The following PRDM2 variants were observed in gnomAD, a reference collection of about 807,000 sequenced individuals.
PRDM2 encodes the protein PR/SET domain 2, also known as PR domain zinc finger protein 2.
In PRDM2, 30 loss-of-function variants were observed where a neutral mutation model predicts 130.0. That is an observed-to-expected ratio of 0.23 (90% CI 0.17 to 0.31). The LOEUF (loss-of-function observed/expected upper bound fraction) is 0.31, where lower values mean the gene tolerates loss of function less well. PRDM2 is among the 10% of genes least tolerant of loss of function. PRDM2 has a pLI of 1.00. For missense variants in PRDM2, 2,011 were observed against 2,108.4 expected, an observed-to-expected ratio of 0.95 and a Z score of 0.90; for synonymous variants, 871 against 782.4, an observed-to-expected ratio of 1.11 and a Z score of -1.89.
intron 4 of PRDM2, among the ~76,000 whole-genome samples, chr1:13,737,919 C>T (rs965464843): frequency 6.6e-6 from 1 of 152,050 alleles, no homozygotes; most frequent in Non-Finnish European, 1.5e-5. Flanking sequence ...ACTGGTAATA[C>T]CTCATGGAAA....
chr1:13,816,322 C>A, intron 8 of PRDM2, 105 bp from the exon 9 acceptor site: 1 of 1,432,200 alleles, frequency 7.0e-7, no homozygotes, highest in Non-Finnish European at 9.5e-7. Flanking sequence ...CAATCCTATC[C>A]TGGCCTGGGA....
intron 8 of PRDM2, among the ~76,000 whole-genome samples, chr1:13,801,120 A>G (rs1224311176): frequency 6.6e-6 from 1 of 152,128 alleles, no homozygotes. Context: ...CGTGGTGGGG[A>G]GGGCACTGCA....
intron 1 of PRDM2, among the ~76,000 whole-genome samples, chr1:13,714,800 G>A (rs544748946): frequency 2.6e-4 from 39 of 152,280 alleles, no homozygotes; most frequent in Middle Eastern, 3.4e-3. Flanking sequence ...CCTTACAGTG[G>A]AAGTTCTACT....
chr1:13,818,816 G>C (rs1036454567), intron 9 of PRDM2, among the ~76,000 whole-genome samples: 2 of 152,092 alleles, frequency 1.3e-5, no homozygotes, highest in Admixed American at 6.6e-5. Flanking sequence ...AATTGAACCT[G>C]TCTCTCTGGG....
intron 6 of PRDM2, 115 bp downstream of exon 6, chr1:13,749,602 C>A: frequency 1.7e-6 from 1 of 588,998 alleles, no homozygotes; most frequent in Non-Finnish European, 2.1e-6. Context: ...GCTCGGGCGG[C>A]GGCGCCCGCG....
chr1:13,813,872 G>A (rs1049496257), intron 8 of PRDM2, among the ~76,000 whole-genome samples: 3 of 152,200 alleles, frequency 2.0e-5, no homozygotes, highest in Non-Finnish European at 4.4e-5. Flanking sequence ...TAAAGGGAGC[G>A]GAGACACACT....
chr1:13,814,778 A>T (rs1288860345), intron 8 of PRDM2, among the ~76,000 whole-genome samples: 1 of 152,176 alleles, frequency 6.6e-6, no homozygotes, highest in African/African-American at 2.4e-5. Flanking sequence ...CCGCAGGCAG[A>T]GCTGGCTCTG....
At chr1:13,763,561 T>G (rs1420252431) in intron 6 of PRDM2, among the ~76,000 whole-genome samples, 1 of 152,238 alleles carries the variant, frequency 6.6e-6, no homozygotes, top group Non-Finnish European at 1.5e-5. Flanking sequence ...ACTTGAGCAG[T>G]ACTTTTTGCC....
At chr1:13,762,637 G>T (rs1309563858) in intron 6 of PRDM2, among the ~76,000 whole-genome samples, 1 of 152,172 alleles carries the variant, frequency 6.6e-6, no homozygotes, top group East Asian at 1.9e-4. Context: ...GCAAAAAATA[G>T]AAAAGCCTCA....
chr1:13,745,228 G>C (rs1643566364), intron 5 of PRDM2, among the ~76,000 whole-genome samples: 1 of 152,098 alleles, frequency 6.6e-6, no homozygotes, highest in African/African-American at 2.4e-5. Flanking sequence ...GTTAAGACAG[G>C]GAAATGTGAT....
chr1:13,808,650 C>T (rs1356422984), intron 8 of PRDM2, among the ~76,000 whole-genome samples: 1 of 152,120 alleles, frequency 6.6e-6, no homozygotes, highest in Non-Finnish European at 1.5e-5. Context: ...AACAGCTGTG[C>T]AGTGGGAATA....
At chr1:13,768,582 CCAT>C (rs775619113) in intron 6 of PRDM2, among the ~76,000 whole-genome samples, 71 of 152,032 alleles carry the variant, frequency 4.7e-4, no homozygotes, top group Non-Finnish European at 7.8e-4. Flanking sequence ...GTTTCACCCA[CCAT>C]GTTGGCCAGG....
At position 13,749,321 on chromosome 1, in the gene PRDM2, G is replaced by A. The variant is rs201907593; in HGVS notation, c.385-40G>A. 7.2e-6 allele frequency: 10 copies of A among 1,395,812 alleles called. No individual in the cohort carries two copies. The East Asian group carries it at 3.4e-4, about 48-fold the overall frequency. The allele number at this position is 1,395,812 out of a possible 1,614,324, so 86.5% of individuals were successfully genotyped here. A position where few individuals can be genotyped will look rare whatever the true frequency, so the allele number is the denominator to read the frequency against. On this transcript the variant is annotated intron_variant, in intron 5 of 9. Coordinates refer to ENST00000311066, the MANE Select transcript of PRDM2 (RefSeq NM_001393986.1). ...CGCCCCGCCCCCGCCAACAACCGCCGCTCTGATTGGCCCGGCGCTTGTCTC... is the reference window on the plus strand; with the variant it reads ...CGCCCCGCCCCCGCCAACAACCGCCACTCTGATTGGCCCGGCGCTTGTCTC...
At chr1:13,769,685 G>T (rs1644314430) in intron 6 of PRDM2, among the ~76,000 whole-genome samples, 1 of 152,176 alleles carries the variant, frequency 6.6e-6, no homozygotes, top group Admixed American at 6.5e-5. Flanking sequence ...TCATTTCCTT[G>T]ATAAACTAAG....
chr1:13,800,499 G>A (rs185581792), intron 8 of PRDM2, among the ~76,000 whole-genome samples: 1 of 152,298 alleles, frequency 6.6e-6, no homozygotes, highest in East Asian at 1.9e-4. Context: ...GGTGAGGATG[G>A]GGAGATGTGG....
chr1:13,786,970 C>CAT, intron 8 of PRDM2: 1 of 988,970 alleles, frequency 1.0e-6, no homozygotes. Context: ...GTTTTGGTCA[C>CAT]ATATCAGCTC....
intron 4 of PRDM2, 150 bp from the exon 5 acceptor site, chr1:13,741,855 T>C: frequency 4.6e-6 from 3 of 650,182 alleles, no homozygotes; most frequent in Non-Finnish European, 7.8e-6. Context: ...GTATTTTTCT[T>C]TTCTCTGTCG....
chr1:13,709,841 T>C (rs192342423), intron 1 of PRDM2, among the ~76,000 whole-genome samples: 1 of 152,346 alleles, frequency 6.6e-6, no homozygotes, highest in African/African-American at 2.4e-5. Context: ...GTAGAATTTT[T>C]TGTAACTTAA....
In PRDM2 at chr1:13,782,039, A is replaced by G; in HGVS notation, c.4244A>G (p.Asn1415Ser). ...GTTGAGCTCAGCAAAATGTCGTCGA[A>G]TAAGCTCAAATTAAATGCATTGAAG... is the stretch of plus-strand genomic sequence containing the variant. The part of the protein sequence containing the change: ...FSVELSKMSS[N>S]KLKLNALKKK... The change falls in exon 8 of 10, where the codon AAT becomes AGT. Residue 1415 changes from asparagine to serine, a missense_variant. By Grantham distance (46) the Asn-to-Ser change is conservative. Around this residue, in one of 5 missense-constraint regions of PRDM2, gnomAD observed 410 missense variants for 395.9 expected, o/e 1.04. Coordinates refer to ENST00000311066, the MANE Select transcript of PRDM2 (RefSeq NM_001393986.1). The G allele has an allele frequency of 6.2e-7, 1 of 1,614,144 alleles. No homozygotes were observed.
Sources: allele counts gnomAD v4.1 joint callset (sites outside exome capture counted in the v4.1 genomes callset), GRCh38; gene constraint gnomAD v4.1.1; regional missense constraint gnomAD v4.1.1; transcripts MANE v1.5; gene names NCBI Gene and HGNC (gene_info 2026-07-23, HGNC 2026-07-21).